Variants in CAMK2G observed in about 807,000 individuals in gnomAD.
CAMK2G encodes the protein calcium/calmodulin dependent protein kinase II gamma, also known as calcium/calmodulin-dependent protein kinase type II subunit gamma.
CAMK2G carries 23 observed loss-of-function variants against 88.7 expected under a neutral mutation model. That is an observed-to-expected ratio of 0.26 (90% CI 0.19 to 0.37). CAMK2G has a LOEUF of 0.37. Ranked by LOEUF, CAMK2G falls within the 10% of genes least tolerant of loss-of-function variation. CAMK2G has a pLI of 1.00. For synonymous variants in CAMK2G, 263 were observed against 294.8 expected (o/e 0.89, Z 1.11); for missense variants, 476 against 780.8 (o/e 0.61, Z 4.65).
Position 73,851,627 on chromosome 10 carries a change from A to AG in CAMK2G, c.341+626dup, listed in dbSNP as rs1226127832. ...TTTGTCAAAGGAAAGAAAAGGGCAG[A>AG]GGGGGACATTGGGCATGGTGGCGAG... is the stretch of plus-strand genomic sequence containing the variant. On this transcript the variant is annotated intron_variant, in intron 5 of 22. Coordinates refer to ENST00000423381, the MANE Select transcript of CAMK2G (RefSeq NM_001367534.1). Among the ~76,000 whole-genome samples the AG allele has an allele frequency of 2.0e-5, 3 of 151,900 alleles. No homozygotes were observed. In the East Asian group the frequency reaches 5.8e-4, roughly 30 times the overall value.
rs1230752926 is a variant in CAMK2G at position 73,874,531 on chromosome 10, G to C, written c.-70C>G. On this transcript the variant is annotated 5_prime_UTR_variant, in exon 1 of 23. Coordinates refer to ENST00000423381, the MANE Select transcript of CAMK2G (RefSeq NM_001367534.1). Reference sequence around the variant, plus strand: ...GGTGCACAGTCACCGCCGCCCGGCCGAGGGAGCAAGAGGAGGAGACGGGGC... The same window carrying C: ...GGTGCACAGTCACCGCCGCCCGGCCCAGGGAGCAAGAGGAGGAGACGGGGC... The C allele has an allele frequency of 9.2e-7, 1 of 1,088,188 alleles. No homozygotes were observed. Among genetic ancestry groups the C allele is most frequent in the African/African-American group, 1.6e-5 (1 of 61,478 alleles). 67.4% of individuals were successfully genotyped at this position (1,088,188 alleles called of 1,614,324 possible). A position where few individuals can be genotyped will look rare whatever the true frequency, so the allele number is the denominator to read the frequency against.
At chr10:73,837,390 G>C in intron 14 of CAMK2G, 78 bp downstream of exon 14, 1 of 1,110,070 alleles carries the variant, frequency 9.0e-7, no homozygotes, top group Non-Finnish European at 1.4e-6. Flanking sequence ...CTGGGAAAGG[G>C]GGAACCAGGT....
At chr10:73,816,431 A>G (rs987472259) in intron 21 of CAMK2G, 2 of 1,062,324 alleles carry the variant, frequency 1.9e-6, no homozygotes, top group Non-Finnish European at 1.1e-6. Flanking sequence ...TTTCCTTCCA[A>G]TCCGTCTTGG....
At chr10:73,823,238 T>C (rs909236983) in intron 17 of CAMK2G, among the ~76,000 whole-genome samples, 1 of 151,674 alleles carries the variant, frequency 6.6e-6, no homozygotes, top group Admixed American at 6.6e-5. Context: ...TTTTGAGAGA[T>C]TAAGTCTCAC....
intron 1 of CAMK2G, among the ~76,000 whole-genome samples, chr10:73,874,142 G>A (rs2095985009): frequency 6.6e-6 from 1 of 150,608 alleles, no homozygotes; most frequent in South Asian, 2.1e-4. Flanking sequence ...GAGGGCACCC[G>A]GGAGCGGTCC....
intron 16 of CAMK2G, among the ~76,000 whole-genome samples, chr10:73,825,052 C>A (rs986762733): frequency 6.6e-6 from 1 of 152,158 alleles, no homozygotes; most frequent in Non-Finnish European, 1.5e-5. Flanking sequence ...CCCCCACCAG[C>A]GAAAGGAGCA....
chr10:73,858,914 G>C (rs915867820), intron 3 of CAMK2G, among the ~76,000 whole-genome samples: 2 of 152,130 alleles, frequency 1.3e-5, no homozygotes, highest in Admixed American at 6.6e-5. Flanking sequence ...CCCATCCGTG[G>C]TCAACCCGCC....
chr10:73,817,575 T>G (rs1319713822), intron 19 of CAMK2G, 21 bp from the exon 20 acceptor site: 1 of 1,554,820 alleles, frequency 6.4e-7, no homozygotes, highest in Non-Finnish European at 8.9e-7. Context: ...GAAAAATCCA[T>G]CAATTTACCT....
chr10:73,819,655 C>A lies in CAMK2G; in HGVS notation c.1250-10G>T. ...GTGCGGAGCGGGGCAGCTAGCCAGC[C>A]AGGGCAGGGCAGGGCAGGGCAAGGC... On this transcript the variant is annotated splice_polypyrimidine_tract_variant and intron_variant, in intron 18 of 22. Coordinates refer to ENST00000423381, the MANE Select transcript of CAMK2G (RefSeq NM_001367534.1). 1 of 1,432,500 alleles carries A rather than the reference C, an allele frequency of 7.0e-7. No individual in the cohort carries two copies. Among genetic ancestry groups the A allele is most frequent in the Non-Finnish European group, 9.4e-7 (1 of 1,059,522 alleles). 88.7% of individuals were successfully genotyped at this position (1,432,500 alleles called of 1,614,324 possible).
At chr10:73,846,954 C>G (rs893749681) in intron 10 of CAMK2G, 16 of 377,382 alleles carry the variant, frequency 4.2e-5, no homozygotes, top group Non-Finnish European at 7.2e-5. Context: ...CCACAAGGGT[C>G]AACCTGAGCC....
Position 73,873,042 on chromosome 10 carries a change from G to A in CAMK2G, c.107C>T (p.Ser36Phe), listed in dbSNP as rs2095891782. The change falls in exon 2 of 23, where the codon TCC (serine) becomes TTC (phenylalanine). Residue 36 changes from serine to phenylalanine, a missense_variant. By Grantham distance (155) the Ser-to-Phe change is radical. This residue lies in a region of CAMK2G where 164 missense variants were observed against 385.6 expected (regional missense o/e 0.43). Coordinates refer to ENST00000423381, the MANE Select transcript of CAMK2G (RefSeq NM_001367534.1). ...SVVRRCVKKT[S>F]TQEYAAKIIN... ...GATTTTTGCTGCGTACTCCTGCGTGGAGGTTTTCTTCACACACCTGCGGAC... is the reference window on the plus strand; with the variant it reads ...GATTTTTGCTGCGTACTCCTGCGTGAAGGTTTTCTTCACACACCTGCGGAC... 1 of 1,613,778 alleles carries A rather than the reference G, an allele frequency of 6.2e-7. No homozygotes were observed. The highest frequency in any genetic ancestry group is 8.5e-7 in the Non-Finnish European group (1 of 1,179,712).
intron 2 of CAMK2G, among the ~76,000 whole-genome samples, chr10:73,868,689 C>A (rs1029165002): frequency 2.0e-5 from 3 of 152,108 alleles, no homozygotes; most frequent in African/African-American, 7.2e-5. Flanking sequence ...ACTGCTTCCC[C>A]CTCCCTTCTC....
At chr10:73,830,431 C>G (rs575299646) in intron 14 of CAMK2G, among the ~76,000 whole-genome samples, 31 of 152,340 alleles carry the variant, frequency 2.0e-4, no homozygotes, top group Middle Eastern at 3.4e-3. Context: ...ACCACCATGC[C>G]TGGCTAAATG....
chr10:73,817,856 G>A (rs1356632634), intron 19 of CAMK2G: 4 of 456,146 alleles, frequency 8.8e-6, no homozygotes, highest in Non-Finnish European at 1.6e-5. Flanking sequence ...AACAGGTGAG[G>A]AGCCTGGTAC....
chr10:73,830,266 T>C (rs2092206191), intron 14 of CAMK2G, among the ~76,000 whole-genome samples: 1 of 152,170 alleles, frequency 6.6e-6, no homozygotes, highest in African/African-American at 2.4e-5. Context: ...ATTGTCTAAA[T>C]GTGAGGTCTT....
At chr10:73,820,819 C>G (rs1316329886) in intron 18 of CAMK2G, among the ~76,000 whole-genome samples, 1 of 151,760 alleles carries the variant, frequency 6.6e-6, no homozygotes, top group Non-Finnish European at 1.5e-5. Flanking sequence ...ATTACAGGCA[C>G]CTGCCACCAC....
At chr10:73,824,356 C>G (rs1355326839) in intron 16 of CAMK2G, among the ~76,000 whole-genome samples, 1 of 152,200 alleles carries the variant, frequency 6.6e-6, no homozygotes, top group Non-Finnish European at 1.5e-5. Context: ...GGGCCTCTGT[C>G]CCTGATTCCT....
intron 10 of CAMK2G, among the ~76,000 whole-genome samples, chr10:73,843,672 C>T (rs2093992847): frequency 6.6e-6 from 1 of 152,142 alleles, no homozygotes; most frequent in South Asian, 2.1e-4. Context: ...CAAATCCTGG[C>T]ACCTGCAGCC....
rs777370780 is a variant in CAMK2G, at chr10:73,848,625, G to A, written c.518-16C>T. On this transcript the variant is annotated splice_polypyrimidine_tract_variant and intron_variant, in intron 7 of 22. Transcript: ENST00000423381. The surrounding 1 kb of genome is among the most constrained non-coding windows in gnomAD (Gnocchi z 4.5). ...CCAGCAAAACCTGTAGCAAAAGAGA[G>A]GGCAGAGGCATACTGAACCCACTTT... 2 of 1,535,462 alleles carry A rather than the reference G, an allele frequency of 1.3e-6. No individual in the cohort carries two copies. The highest frequency in any genetic ancestry group is 1.4e-5 in the African/African-American group (1 of 73,496).
Sources: gnomAD v4.1 joint callset for allele counts (sites outside exome capture counted in the v4.1 genomes callset) on GRCh38, gnomAD v4.1.1 for gene constraint, gnomAD v4.1.1 regional missense constraint, Gnocchi (gnomAD v3.1) non-coding constraint, MANE v1.5 for transcripts, NCBI Gene and HGNC (gene_info 2026-07-23, HGNC 2026-07-21) for gene names.